The following HBS1L variants were observed in gnomAD, a reference collection of about 807,000 sequenced individuals.
HBS1L encodes the protein HBS1-like protein.
In HBS1L, 55 loss-of-function variants were observed where a neutral mutation model predicts 88.9. The ratio of observed to expected loss-of-function variants is 0.62; its 90% CI spans 0.50 to 0.77. HBS1L has a LOEUF of 0.77. HBS1L is among the 30% of genes least tolerant of loss of function. The pLI is 0.00. For synonymous variants in HBS1L, 267 were observed against 288.5 expected, an observed-to-expected ratio of 0.93 and a Z score of 0.76; for missense variants, 741 against 829.3, an observed-to-expected ratio of 0.89 and a Z score of 1.31.
intron 4 of HBS1L, among the ~76,000 whole-genome samples, chr6:135,039,162 C>CA (rs1013270490): frequency 1.1e-4 from 16 of 149,744 alleles, no homozygotes; most frequent in East Asian, 5.9e-4. Flanking sequence ...AAAATACAAA[C>CA]AAAAAAAAAA....
At chr6:135,014,312 T>G (rs1165915629) in intron 4 of HBS1L, among the ~76,000 whole-genome samples, 1 of 152,192 alleles carries the variant, frequency 6.6e-6, no homozygotes, top group Non-Finnish European at 1.5e-5. Flanking sequence ...CACCAAAAAT[T>G]TTATTTTATG....
chr6:135,044,178 G>A (rs764706993), intron 2 of HBS1L, among the ~76,000 whole-genome samples: 16 of 152,218 alleles, frequency 1.1e-4, no homozygotes, highest in Non-Finnish European at 2.2e-4. Context: ...TTTTAAAAGT[G>A]TAAAATCCTA....
intron 2 of HBS1L, among the ~76,000 whole-genome samples, chr6:135,044,680 C>T (rs6569990): frequency 0.52 from 79,452 of 151,874 alleles, 20,907 homozygotes; most frequent in South Asian, 0.56. Flanking sequence ...TAAAATGTGG[C>T]ATAAATGATG....
At chr6:135,016,992 A>T (rs1480959543) in intron 4 of HBS1L, among the ~76,000 whole-genome samples, 1 of 152,196 alleles carries the variant, frequency 6.6e-6, no homozygotes, top group Non-Finnish European at 1.5e-5. Context: ...ACAGAAAAAA[A>T]GATTTAGAAC....
intron 8 of HBS1L, among the ~76,000 whole-genome samples, chr6:134,989,279 A>T (rs1775065869): frequency 6.6e-6 from 1 of 152,166 alleles, no homozygotes; most frequent in African/African-American, 2.4e-5. Context: ...TCTCTTTTAC[A>T]GCTTTTGCTT....
rs1774316325 is a variant in HBS1L at position 134,966,408 on chromosome 6, A to T, written c.1964T>A (p.Leu655Gln). Residue 655 changes from leucine (L) to glutamine (Q), a missense_variant, in exon 17 of 18, where the codon CTA becomes CAA. Around this residue, in one of 3 missense-constraint regions of HBS1L, gnomAD observed 181 missense variants for 212.7 expected, o/e 0.85. Transcript: ENST00000367837. Reference protein sequence around the residue: ...LQTQRPIALELYKDFKELGRF... With the variant: ...LQTQRPIALEQYKDFKELGRF... ...CCCCAGCTCTTTAAAGTCTTTATAT[A>T]GCTCAAGAGCTATTGGTCTTTGTGT... The T allele has an allele frequency of 1.2e-6, 2 of 1,612,610 alleles. No homozygotes were observed. The highest frequency in any genetic ancestry group is 2.2e-5 in the East Asian group (1 of 44,824).
chr6:134,972,871 A>C (rs1018362555), intron 15 of HBS1L, among the ~76,000 whole-genome samples: 3 of 152,206 alleles, frequency 2.0e-5, no homozygotes, highest in Non-Finnish European at 2.9e-5. Context: ...ACACCACTTA[A>C]CAACTATTAG....
chr6:135,034,944 T>C (rs1208715084), intron 4 of HBS1L, among the ~76,000 whole-genome samples: 2 of 152,250 alleles, frequency 1.3e-5, no homozygotes, highest in Non-Finnish European at 2.9e-5. Context: ...TGCTTCAGCA[T>C]ATATGGAGTG....
intron 4 of HBS1L, chr6:135,037,706 C>G: frequency 1.9e-6 from 3 of 1,551,090 alleles, no homozygotes; most frequent in African/African-American, 1.4e-5. Context: ...AGCAGACTTT[C>G]CAGACTGTCT....
chr6:135,048,527 A>C lies in HBS1L; in HGVS notation c.109+2055T>G, dbSNP rs117352226. On this transcript the variant is annotated intron_variant, in intron 2 of 17. Coordinates refer to ENST00000367837, the MANE Select transcript of HBS1L (RefSeq NM_006620.4). ...GAACTTCAGAGGCAAAGCAGCAAAG[A>C]ACCCTCTCCTCAAGGTCTAAGTCAC... 2.3e-4 allele frequency among the ~76,000 whole-genome samples: 35 copies of C among 152,282 alleles called. 1 individual carries two copies. In the East Asian group the frequency reaches 6.7e-3, roughly 29 times the overall value.
chr6:134,992,645 G>A (rs1775174499), intron 8 of HBS1L, among the ~76,000 whole-genome samples: 1 of 152,070 alleles, frequency 6.6e-6, no homozygotes, highest in South Asian at 2.1e-4. Context: ...TATGGAATAA[G>A]ACTATACAGA....
At chr6:135,026,841 T>C (rs1177074591) in intron 4 of HBS1L, 2 of 151,038 alleles carry the variant, frequency 1.3e-5, no homozygotes, top group Admixed American at 6.6e-5. Flanking sequence ...AAGAGTGTTA[T>C]ATATTAACTT....
intron 2 of HBS1L, among the ~76,000 whole-genome samples, chr6:135,048,686 T>C (rs980471999): frequency 2.0e-5 from 3 of 152,246 alleles, no homozygotes; most frequent in African/African-American, 7.2e-5. Context: ...TTTTGCATTA[T>C]TTGTTCTATA....
chr6:134,993,897 T>G (rs771321591), intron 7 of HBS1L, 22 bp from the exon 8 acceptor site: 1 of 1,180,522 alleles, frequency 8.5e-7, no homozygotes, highest in Non-Finnish European at 1.3e-6. Flanking sequence ...CATAACATGG[T>G]TAGAATGTAC....
intron 4 of HBS1L, among the ~76,000 whole-genome samples, chr6:135,009,914 A>G (rs1356656369): frequency 2.0e-5 from 3 of 152,004 alleles, no homozygotes; most frequent in Admixed American, 2.0e-4. Context: ...ACAGGCATGA[A>G]CCACCGTGCC....
chr6:134,985,340 C>A lies in HBS1L; in HGVS notation c.1492+1G>T. ...AGAAGCACTACAAAGGTAGCACTTA[C>A]CTTTGAAAACATCGGACACACATAA... is the stretch of plus-strand genomic sequence containing the variant. On this transcript the variant is annotated splice_donor_variant, in intron 12 of 17. Coordinates refer to ENST00000367837, the MANE Select transcript of HBS1L (RefSeq NM_006620.4). LOFTEE classifies it high-confidence loss of function. 1 of 1,597,842 alleles carries A rather than the reference C, an allele frequency of 6.3e-7. No individual in the cohort carries two copies. The highest frequency in any genetic ancestry group is 8.5e-7 in the Non-Finnish European group (1 of 1,169,858).
intron 4 of HBS1L, among the ~76,000 whole-genome samples, chr6:135,010,241 C>T (rs1159633731): frequency 6.6e-6 from 1 of 152,140 alleles, no homozygotes; most frequent in Non-Finnish European, 1.5e-5. Context: ...GAACTTGAGC[C>T]TTGACCTAGT....
chr6:134,981,515 A>G (rs1439373729), intron 13 of HBS1L, among the ~76,000 whole-genome samples: 1 of 151,946 alleles, frequency 6.6e-6, no homozygotes, highest in Non-Finnish European at 1.5e-5. Context: ...TAAAGAGAGC[A>G]TATGAATTCA....
At chr6:134,999,867 A>AG (rs754764283) in intron 5 of HBS1L, among the ~76,000 whole-genome samples, 40 of 152,144 alleles carry the variant, frequency 2.6e-4, no homozygotes, top group Non-Finnish European at 5.1e-4. Context: ...AGTAAAAAAA[A>AG]CTTCTGCATA....
Sources: gnomAD v4.1 joint callset for allele counts (sites outside exome capture counted in the v4.1 genomes callset) on GRCh38, gnomAD v4.1.1 for gene constraint, gnomAD v4.1.1 regional missense constraint, MANE v1.5 for transcripts, NCBI Gene and HGNC (gene_info 2026-07-23, HGNC 2026-07-21) for gene names.